Variants in NKAIN2 observed in about 807,000 individuals in gnomAD.
The protein encoded by NKAIN2 is sodium/potassium-transporting ATPase subunit beta-1-interacting protein 2.
In NKAIN2, 14 loss-of-function variants were observed where a neutral mutation model predicts 32.6. The ratio of observed to expected loss-of-function variants is 0.43; its 90% CI spans 0.28 to 0.67. The LOEUF (loss-of-function observed/expected upper bound fraction) is 0.67. NKAIN2 is among the 30% of genes least tolerant of loss of function. The pLI is 0.17. For missense variants in NKAIN2, 198 were observed against 258.3 expected, an observed-to-expected ratio of 0.77 and a Z score of 1.60; for synonymous variants, 80 against 87.2, an observed-to-expected ratio of 0.92 and a Z score of 0.46.
At chr6:124,050,743 C>T (rs1446135063) in intron 1 of NKAIN2, among the ~76,000 whole-genome samples, 1 of 152,026 alleles carries the variant, frequency 6.6e-6, no homozygotes, top group Non-Finnish European at 1.5e-5. Flanking sequence ...TGTTTGTTTA[C>T]TTCAATCCAA....
At chr6:124,321,528 G>A (rs1202740388) in intron 2 of NKAIN2, among the ~76,000 whole-genome samples, 1 of 152,100 alleles carries the variant, frequency 6.6e-6, no homozygotes, top group African/African-American at 2.4e-5. Flanking sequence ...CAAGGTAAGT[G>A]GCTAATGGAA....
At chr6:124,106,616 A>G (rs1481464865) in intron 1 of NKAIN2, among the ~76,000 whole-genome samples, 1 of 152,188 alleles carries the variant, frequency 6.6e-6, no homozygotes, top group Non-Finnish European at 1.5e-5. Flanking sequence ...ATAAGTGTTC[A>G]TTATTCTATT....
chr6:124,302,133 C>G (rs931830170), intron 2 of NKAIN2, among the ~76,000 whole-genome samples: 3 of 152,274 alleles, frequency 2.0e-5, no homozygotes, highest in Non-Finnish European at 1.5e-5. Context: ...CAAGATCTGA[C>G]GTTTTTATAA....
chr6:124,116,138 G>GT (rs908170529), intron 1 of NKAIN2, among the ~76,000 whole-genome samples: 57 of 152,084 alleles, frequency 3.7e-4, no homozygotes, highest in African/African-American at 1.3e-3. Context: ...CAGATAAAAC[G>GT]TTATTCTTCA....
chr6:124,726,002 G>A (rs1776277923), intron 4 of NKAIN2, among the ~76,000 whole-genome samples: 1 of 152,210 alleles, frequency 6.6e-6, no homozygotes, highest in African/African-American at 2.4e-5. Context: ...TTTCCGACGG[G>A]CTTAAAAAAC....
intron 1 of NKAIN2, among the ~76,000 whole-genome samples, chr6:124,143,666 A>G (rs1023443547): frequency 1.3e-5 from 2 of 152,194 alleles, no homozygotes; most frequent in African/African-American, 4.8e-5. Flanking sequence ...GTATTCATGA[A>G]TTTTTGCAAA....
intron 2 of NKAIN2, among the ~76,000 whole-genome samples, chr6:124,336,801 G>C (rs1035158729): frequency 6.6e-6 from 1 of 151,156 alleles, no homozygotes; most frequent in African/African-American, 2.4e-5. Flanking sequence ...AGCCTCCCAA[G>C]TAGCTGGGAC....
intron 3 of NKAIN2, among the ~76,000 whole-genome samples, chr6:124,606,147 C>G (rs946451933): frequency 6.6e-6 from 1 of 151,896 alleles, no homozygotes; most frequent in African/African-American, 2.4e-5. Context: ...TTTAAATCCT[C>G]TCAAAGTGAT....
chr6:124,513,266 T>C lies in NKAIN2; in HGVS notation c.274-144920T>C, dbSNP rs143227777. On this transcript the variant is annotated intron_variant, in intron 3 of 6. Coordinates refer to ENST00000368417, the MANE Select transcript of NKAIN2 (RefSeq NM_001040214.3). ...TCATATTAACCTTACTTATATTTTC[T>C]ACTATTGGATAAAATTAGGACTCTT... 6.7e-3 allele frequency among the ~76,000 whole-genome samples: 1,019 copies of C among 152,358 alleles called. 13 individuals are homozygous for C. The highest frequency in any genetic ancestry group is 0.023 in the African/African-American group (965 of 41,586).
intron 1 of NKAIN2, among the ~76,000 whole-genome samples, chr6:123,953,616 C>G (rs1777425859): frequency 1.3e-5 from 2 of 152,008 alleles, no homozygotes; most frequent in Admixed American, 1.3e-4. Flanking sequence ...AACTTCAGGC[C>G]CCTGGTTGGA....
intron 3 of NKAIN2, among the ~76,000 whole-genome samples, chr6:124,635,478 C>T (rs1783740278): frequency 6.6e-6 from 1 of 152,002 alleles, no homozygotes; most frequent in Non-Finnish European, 1.5e-5. Flanking sequence ...CTATTAATAA[C>T]AACCTTGACT....
chr6:124,688,634 TC>T (rs1774108780), intron 4 of NKAIN2, among the ~76,000 whole-genome samples: 1 of 151,994 alleles, frequency 6.6e-6, no homozygotes, highest in Admixed American at 6.6e-5. Context: ...TACCCAGCCC[TC>T]CCCCTCCATC....
intron 3 of NKAIN2, among the ~76,000 whole-genome samples, chr6:124,653,640 A>C (rs146535395): frequency 1.2e-3 from 185 of 152,226 alleles, no homozygotes; most frequent in African/African-American, 4.2e-3. Flanking sequence ...GATCCATGAA[A>C]AAAAGCATTA....
chr6:123,918,151 T>C (rs1208098172), intron 1 of NKAIN2, among the ~76,000 whole-genome samples: 1 of 152,162 alleles, frequency 6.6e-6, no homozygotes, highest in African/African-American at 2.4e-5. Context: ...CAGAGACATA[T>C]TGTTAGCTTG....
chr6:124,074,300 GT>G (rs1783593604), intron 1 of NKAIN2, among the ~76,000 whole-genome samples: 1 of 152,106 alleles, frequency 6.6e-6, no homozygotes, highest in South Asian at 2.1e-4. Flanking sequence ...AGGAGAGCAG[GT>G]GTTCAGCATA....
intron 4 of NKAIN2, among the ~76,000 whole-genome samples, chr6:124,672,119 T>C (rs1405130999): frequency 6.6e-6 from 1 of 152,050 alleles, no homozygotes; most frequent in African/African-American, 2.4e-5. Context: ...GGGAGAAAAT[T>C]ACATTTCATA....
chr6:124,300,900 C>G (rs773200167), intron 2 of NKAIN2, among the ~76,000 whole-genome samples: 2 of 152,294 alleles, frequency 1.3e-5, no homozygotes, highest in Admixed American at 6.5e-5. Context: ...AAATTTGCAG[C>G]CTGATATTGC....
chr6:124,474,942 T>G (rs536958358), intron 3 of NKAIN2, among the ~76,000 whole-genome samples: 263 of 135,966 alleles, frequency 1.9e-3, no homozygotes, highest in African/African-American at 6.4e-3. Flanking sequence ...TAGGTATATA[T>G]CATATATACA....
intron 3 of NKAIN2, among the ~76,000 whole-genome samples, chr6:124,629,092 A>G (rs1156792729): frequency 1.3e-5 from 2 of 152,122 alleles, no homozygotes; most frequent in East Asian, 1.9e-4. Flanking sequence ...AGCAGGAGGT[A>G]TATTTCTCCC....
Sources: gnomAD v4.1 joint callset for allele counts (sites outside exome capture counted in the v4.1 genomes callset) on GRCh38, gnomAD v4.1.1 for gene constraint, MANE v1.5 for transcripts, NCBI Gene and HGNC (gene_info 2026-07-23, HGNC 2026-07-21) for gene names.